KLHL4: variants seen among roughly 807,000 people sequenced by gnomAD.
The protein encoded by KLHL4 is kelch-like protein 4.
KLHL4 carries 17 observed loss-of-function variants against 45.8 expected under a neutral mutation model. That is an observed-to-expected ratio of 0.37 (90% CI 0.25 to 0.56). KLHL4 has a LOEUF of 0.56. KLHL4 is among the 20% of genes least tolerant of loss of function. KLHL4 has a pLI of 0.79. For missense variants in KLHL4, 544 were observed against 544.9 expected (o/e 1.00, Z 0.02); for synonymous variants, 224 against 189.9 (o/e 1.18, Z -1.47).
chrX:87,637,546 C>A (rs569591297), intron 9 of KLHL4, among the ~76,000 whole-genome samples: 1 of 110,977 alleles, frequency 9.0e-6, no homozygotes, highest in Non-Finnish European at 1.9e-5. Context: ...CAAGGAGGTA[C>A]GGGAGAATGG....
intron 1 of KLHL4, among the ~76,000 whole-genome samples, chrX:87,534,776 G>A (rs1384897840): frequency 1.8e-5 from 2 of 111,989 alleles, no homozygotes; most frequent in Non-Finnish European, 3.8e-5. Context: ...TGGAAGTAAG[G>A]TTAATGATTC....
At chrX:87,519,107 A>G (rs753647107) in intron 1 of KLHL4, among the ~76,000 whole-genome samples, 14 of 112,121 alleles carry the variant, frequency 1.2e-4, no homozygotes, top group South Asian at 3.7e-4. Flanking sequence ...ACTGTCAACT[A>G]TAACTTAACC....
intron 1 of KLHL4, among the ~76,000 whole-genome samples, chrX:87,602,461 T>C (rs1347961692): frequency 9.0e-6 from 1 of 111,512 alleles, no homozygotes; most frequent in Non-Finnish European, 1.9e-5. Context: ...TTTTGTACTG[T>C]ATTTTCCTGT....
intron 9 of KLHL4, among the ~76,000 whole-genome samples, chrX:87,644,509 C>T (rs1219174173): frequency 9.1e-6 from 1 of 110,389 alleles, no homozygotes; most frequent in Non-Finnish European, 1.9e-5. Flanking sequence ...CAACGCAGTC[C>T]CCACCAAAAT....
At chrX:87,603,710 T>A (rs1410643741) in intron 1 of KLHL4, among the ~76,000 whole-genome samples, 1 of 110,745 alleles carries the variant, frequency 9.0e-6, no homozygotes, top group African/African-American at 3.3e-5. Context: ...TATAAATAAA[T>A]ATATGTATTT....
chrX:87,547,751 G>A (rs1036259134), intron 1 of KLHL4, among the ~76,000 whole-genome samples: 1 of 110,858 alleles, frequency 9.0e-6, no homozygotes, highest in African/African-American at 3.3e-5. Context: ...AACCCGGGAG[G>A]TGGAGCTTGC....
chrX:87,555,081 G>A (rs113039699), intron 1 of KLHL4, among the ~76,000 whole-genome samples: 24,782 of 96,183 alleles, frequency 0.26, 2,825 homozygotes, highest in East Asian at 0.38. Context: ...CTTGATAATG[G>A]TGGATAAGCT....
chrX:87,541,832 A>G (rs1285340344), intron 1 of KLHL4, among the ~76,000 whole-genome samples: 1 of 111,443 alleles, frequency 9.0e-6, no homozygotes, highest in East Asian at 2.8e-4. Flanking sequence ...GCTCAGAAAA[A>G]GATAGGAAGA....
intron 9 of KLHL4, among the ~76,000 whole-genome samples, chrX:87,637,876 G>A (rs762977036): frequency 8.9e-6 from 1 of 111,997 alleles, no homozygotes; most frequent in African/African-American, 3.2e-5. Context: ...TTGAACCTGG[G>A]AGGCAGAGGT....
At chrX:87,599,509 G>A (rs1921941566) in intron 1 of KLHL4, among the ~76,000 whole-genome samples, 1 of 111,200 alleles carries the variant, frequency 9.0e-6, no homozygotes, top group African/African-American at 3.3e-5. Flanking sequence ...ATACAACAAT[G>A]TTTCTGAAAA....
rs781049301 is a variant in KLHL4, at chrX:87,563,536, T to C, written c.422+45221T>C. On this transcript the variant is annotated intron_variant, in intron 1 of 10. Coordinates refer to ENST00000373119, the MANE Select transcript of KLHL4 (RefSeq NM_019117.5). ...GCATCAGAGTCTCTCAACAGTAGAA[T>C]TGATCAAGCAGAAGAAAGAATGAGT... is the stretch of plus-strand genomic sequence containing the variant. 2.9e-4 allele frequency among the ~76,000 whole-genome samples: 30 copies of C among 104,727 alleles called. 1 individual carries two copies. In the South Asian group the frequency reaches 1.0e-2, roughly 35 times the overall value. The allele number at this position is 104,727 out of a possible 115,157, so 90.9% of individuals were successfully genotyped here.
At chrX:87,632,480 G>A in intron 7 of KLHL4, 46 bp downstream of exon 7, 1 of 900,503 alleles carries the variant, frequency 1.1e-6, no homozygotes, top group Non-Finnish European at 1.5e-6. Flanking sequence ...ATAGTAAGTA[G>A]AGTTTTTAAA....
intron 1 of KLHL4, among the ~76,000 whole-genome samples, chrX:87,557,692 G>A (rs1393132764): frequency 1.8e-5 from 2 of 108,458 alleles, no homozygotes; most frequent in Non-Finnish European, 3.8e-5. Context: ...TAAATTAATG[G>A]GAATATTCAG....
At chrX:87,549,490 G>A (rs182845283) in intron 1 of KLHL4, among the ~76,000 whole-genome samples, 2 of 111,123 alleles carry the variant, frequency 1.8e-5, no homozygotes, top group African/African-American at 6.5e-5. Context: ...TTTATCATAT[G>A]GATTATTTTC....
chrX:87,666,520 G>C lies in KLHL4; in HGVS notation c.2143G>C (p.Val715Leu). The C allele has an allele frequency of 8.4e-7, 1 of 1,197,162 alleles. No individual in the cohort carries two copies. Among genetic ancestry groups the C allele is most frequent in the Non-Finnish European group, 1.1e-6 (1 of 886,324 alleles). The change falls in exon 11 of 11, where the codon GTG (valine) becomes CTG (leucine). Residue 715 changes from valine (V) to leucine (L), a missense_variant. Val to Leu is a conservative substitution (Grantham distance 32). Transcript: ENST00000373119. Reference sequence around the variant, plus strand: ...AAGAGCTGGTGCATGTGTTGTAGTGGTGAAGCTACCCTAAAGCTATCTATC... The same window carrying C: ...AAGAGCTGGTGCATGTGTTGTAGTGCTGAAGCTACCCTAAAGCTATCTATC... ...IGRAGACVVV[V>L]KLP
chrX:87,571,538 A>C (rs1279247252), intron 1 of KLHL4, among the ~76,000 whole-genome samples: 2 of 111,392 alleles, frequency 1.8e-5, no homozygotes, highest in Admixed American at 1.9e-4. Flanking sequence ...AGTATTGTGA[A>C]GAATTTGTGG....
At chrX:87,536,248 A>G (rs1228971035) in intron 1 of KLHL4, among the ~76,000 whole-genome samples, 1 of 111,245 alleles carries the variant, frequency 9.0e-6, no homozygotes, top group South Asian at 3.8e-4. Flanking sequence ...AGTTACCCTA[A>G]AACAAATTTG....
At chrX:87,664,609 G>A (rs758778216) in intron 9 of KLHL4, among the ~76,000 whole-genome samples, 155 bp from the exon 10 acceptor site, 2 of 111,980 alleles carry the variant, frequency 1.8e-5, no homozygotes, top group East Asian at 2.8e-4. Context: ...ATTTTGTCAC[G>A]TACATATCCT....
Position 87,669,047 on chromosome X carries a change from G to A in KLHL4, c.*2513G>A, listed in dbSNP as rs1924477164. The A allele has an allele frequency of 1.2e-6, 1 of 858,085 alleles. No individual in the cohort carries two copies. Among genetic ancestry groups the A allele is most frequent in the Non-Finnish European group, 1.4e-6 (1 of 706,431 alleles). 70.7% of individuals were successfully genotyped at this position (858,085 alleles called of 1,213,427 possible). On this transcript the variant is annotated 3_prime_UTR_variant, in exon 11 of 11. Transcript: ENST00000373119. ...GCTTGTCTCAGTCAAACTTAATTGG[G>A]AAAAGGAGGAGTAAGAGCAGGCCCT...
Sources: allele counts gnomAD v4.1 joint callset (sites outside exome capture counted in the v4.1 genomes callset), GRCh38; gene constraint gnomAD v4.1.1; transcripts MANE v1.5; gene names NCBI Gene and HGNC (gene_info 2026-07-23, HGNC 2026-07-21).